Variants in LRRC37A2 observed in about 807,000 individuals in gnomAD.
LRRC37A2 encodes the protein leucine rich repeat containing 37 member A2.
Under a neutral mutation model 68.8 loss-of-function variants are expected in LRRC37A2, and 9 were observed. The observed-to-expected ratio is 0.13, with a 90% CI of 0.08 to 0.23. The LOEUF is 0.23. Among genes scored for constraint, LRRC37A2 ranks in the 10% least tolerant of loss-of-function variants. The pLI is 1.00. For missense variants in LRRC37A2, 168 were observed against 950.4 expected (o/e 0.18, Z 10.82); for synonymous variants, 63 against 367.6 (o/e 0.17, Z 9.48).
the LRRC37A2 span, among the ~76,000 whole-genome samples, chr17:46,787,141 T>C: frequency 6.6e-6 from 1 of 152,226 alleles, no homozygotes; most frequent in South Asian, 2.1e-4. Flanking sequence ...AGTCCTGCTA[T>C]ATTGCCCAGG....
At chr17:46,851,955 C>T in the LRRC37A2 span, among the ~76,000 whole-genome samples, 1 of 152,010 alleles carries the variant, frequency 6.6e-6, no homozygotes, top group African/African-American at 2.4e-5. The surrounding 1 kb of genome is among the most constrained non-coding windows in gnomAD (Gnocchi z 4.3). Flanking sequence ...TGGTCGCCCC[C>T]CAGCCGCCGC....
the LRRC37A2 span, among the ~76,000 whole-genome samples, chr17:46,610,041 C>CTCTCTCTCTCTCTT: frequency 1.7e-5 from 2 of 118,738 alleles, no homozygotes; most frequent in South Asian, 2.6e-4. Flanking sequence ...CTCTCTCTCT[C>CTCTCTCTCTCTCTT]TCTTTCTTTC....
the LRRC37A2 span, among the ~76,000 whole-genome samples, chr17:47,043,588 A>C: frequency 7.6e-4 from 115 of 151,532 alleles, 1 homozygote; most frequent in African/African-American, 2.7e-3. Flanking sequence ...CAATGTAAGA[A>C]AGGCTGTGAT....
At chr17:46,830,439 T>C in the LRRC37A2 span, among the ~76,000 whole-genome samples, 5 of 152,018 alleles carry the variant, frequency 3.3e-5, no homozygotes. Flanking sequence ...TTTTTAGAGA[T>C]GGTGTCTTCT....
chr17:46,552,698 T>C (rs1466993872), intron 11 of LRRC37A2: 1 of 78,780 alleles, frequency 1.3e-5, no homozygotes, highest in Non-Finnish European at 3.3e-5. Flanking sequence ...AGGCTGAATA[T>C]TTGAAGAAAA....
the LRRC37A2 span, among the ~76,000 whole-genome samples, chr17:46,913,788 C>T: frequency 3.3e-5 from 5 of 152,192 alleles, no homozygotes; most frequent in Non-Finnish European, 5.9e-5. Flanking sequence ...TTGACAGAGT[C>T]TCACTCTGTC....
chr17:46,748,823 GA>G, the LRRC37A2 span, among the ~76,000 whole-genome samples: 2 of 152,130 alleles, frequency 1.3e-5, no homozygotes, highest in African/African-American at 4.8e-5. Context: ...AAGCAAAGGG[GA>G]AAAAGGCAAT....
At chr17:46,806,489 G>A in the LRRC37A2 span, among the ~76,000 whole-genome samples, 5 of 152,274 alleles carry the variant, frequency 3.3e-5, no homozygotes, top group South Asian at 6.2e-4. Context: ...GGTTACAGGC[G>A]TGAGCCACCG....
At chr17:47,040,389 A>C in the LRRC37A2 span, among the ~76,000 whole-genome samples, 1 of 151,860 alleles carries the variant, frequency 6.6e-6, no homozygotes, top group Admixed American at 6.6e-5. Flanking sequence ...GTTTCCTTGC[A>C]TCTTTCATAA....
the LRRC37A2 span, among the ~76,000 whole-genome samples, chr17:46,731,909 T>G: frequency 6.6e-6 from 1 of 152,232 alleles, no homozygotes; most frequent in African/African-American, 2.4e-5. Context: ...TCATACCACC[T>G]TGCTTTTTAA....
At chr17:46,964,378 A>T in the LRRC37A2 span, 1 of 152,238 alleles carries the variant, frequency 6.6e-6, no homozygotes. Flanking sequence ...GATGGAGGTG[A>T]TCTGAGATGA....
At chr17:46,425,195 T>TA in the LRRC37A2 span, among the ~76,000 whole-genome samples, 15 of 32,432 alleles carry the variant, frequency 4.6e-4, no homozygotes, top group Admixed American at 3.0e-3. Context: ...CTTCATCAGA[T>TA]ATGGCATTTC....
At chr17:46,735,782 T>C in the LRRC37A2 span, among the ~76,000 whole-genome samples, 1 of 152,068 alleles carries the variant, frequency 6.6e-6, no homozygotes, top group Non-Finnish European at 1.5e-5. Context: ...CGATCTCTAC[T>C]AAAAATACAA....
At chr17:46,794,057 A>T in the LRRC37A2 span, among the ~76,000 whole-genome samples, 1 of 152,120 alleles carries the variant, frequency 6.6e-6, no homozygotes, top group African/African-American at 2.4e-5. Flanking sequence ...TCTAACAGGC[A>T]TGTTCATAGG....
the LRRC37A2 span, among the ~76,000 whole-genome samples, chr17:46,710,165 A>G: frequency 6.6e-6 from 1 of 152,170 alleles, no homozygotes; most frequent in Non-Finnish European, 1.5e-5. Context: ...TGATCTTTAC[A>G]TGTACATGAT....
chr17:46,818,902 A>C, the LRRC37A2 span: 1 of 470,218 alleles, frequency 2.1e-6, no homozygotes. Flanking sequence ...CGCCCAGCAA[A>C]CTTGGGCAAA....
chr17:46,932,295 A>T, the LRRC37A2 span: 1 of 1,429,120 alleles, frequency 7.0e-7, no homozygotes, highest in South Asian at 1.1e-5. Context: ...GGGGTGTCTG[A>T]AGAAGACTGA....
chr17:46,631,078 A>ACACACACACACACG, the LRRC37A2 span, among the ~76,000 whole-genome samples: 1 of 144,676 alleles, frequency 6.9e-6, no homozygotes, highest in African/African-American at 2.8e-5. Flanking sequence ...ACACACACAC[A>ACACACACACACACG]CACACACACA....
the LRRC37A2 span, among the ~76,000 whole-genome samples, chr17:46,862,663 A>G: frequency 6.6e-6 from 1 of 151,906 alleles, no homozygotes; most frequent in Admixed American, 6.6e-5. Context: ...GCTCACTACA[A>G]CCTCTGCCTC....
Sources: gnomAD v4.1 joint callset for allele counts (sites outside exome capture counted in the v4.1 genomes callset) on GRCh38, gnomAD v4.1.1 for gene constraint, Gnocchi (gnomAD v3.1) non-coding constraint, MANE v1.5 for transcripts, NCBI Gene and HGNC (gene_info 2026-07-23, HGNC 2026-07-21) for gene names.